COL5A1: variants seen among roughly 807,000 people sequenced by gnomAD.
COL5A1 encodes the protein collagen type V alpha 1 chain.
In COL5A1, 16 loss-of-function variants were observed where a neutral mutation model predicts 263.7. The observed-to-expected ratio is 0.06, with a 90% CI of 0.04 to 0.09. The LOEUF (loss-of-function observed/expected upper bound fraction) is 0.09, where lower values mean the gene tolerates loss of function less well. Ranked by LOEUF, COL5A1 falls within the 10% of genes least tolerant of loss-of-function variation. The pLI, the probability that COL5A1 is intolerant of heterozygous loss-of-function variation, is 1.00. For missense variants in COL5A1, 2,036 were observed against 2,540.5 expected (o/e 0.80, Z 4.27); for synonymous variants, 1,012 against 1,004.5 (o/e 1.01, Z -0.14).
chr9:134,823,463 C>G lies in COL5A1; in HGVS notation c.4692C>G (p.Gly1564=). 1 of 1,613,972 alleles carries G rather than the reference C, an allele frequency of 6.2e-7. No individual in the cohort carries two copies. The highest frequency in any genetic ancestry group is 8.5e-7 in the Non-Finnish European group (1 of 1,179,818). Residue 1564 remains glycine (G), a synonymous_variant, in exon 61 of 66, where the codon GGC becomes GGG. Transcript: ENST00000371817. ...KGEAGHPGPP[G]PPGPPGEVIQ... The stretch of plus-strand genomic sequence containing the variant: ...AGGCAGGCCACCCAGGACCCCCAGG[C>G]CCCCCGGTAAGTAGCCCTTGAAGCC...
At chr9:134,654,374 G>GA (rs1436110608) in intron 1 of COL5A1, among the ~76,000 whole-genome samples, 2 of 135,126 alleles carry the variant, frequency 1.5e-5, no homozygotes, top group Admixed American at 7.3e-5. Context: ...TGTAGGGCTG[G>GA]GGTGTATAGT....
At chr9:134,750,644 G>A (rs1177274906) in intron 12 of COL5A1, 28 bp downstream of exon 12, 10 of 1,610,688 alleles carry the variant, frequency 6.2e-6, no homozygotes, top group Non-Finnish European at 8.5e-6. Context: ...TCGGAGGTGG[G>A]GAGGCAGCTG....
At position 134,737,834 on chromosome 9, in the gene COL5A1, C is replaced by T. The variant is rs368521242; in HGVS notation, c.1390-640C>T. Among the ~76,000 whole-genome samples, 184 of 152,270 alleles carry T rather than the reference C, an allele frequency of 1.2e-3. 1 individual carries two copies. In the Middle Eastern group the frequency reaches 0.024, roughly 20 times the overall value. ...GAGTGAGGCCTGGGTGTGCTTGAGG[C>T]AGATGGGCCCTGTGGTGAGGTGAGG... On this transcript the variant is annotated intron_variant, in intron 9 of 65. Coordinates refer to ENST00000371817, the MANE Select transcript of COL5A1 (RefSeq NM_000093.5).
intron 43 of COL5A1, among the ~76,000 whole-genome samples, chr9:134,809,612 T>C (rs1838438281): frequency 6.6e-6 from 1 of 152,222 alleles, no homozygotes; most frequent in East Asian, 1.9e-4. Context: ...AATTTCAAAT[T>C]CCGAAACTGC....
Position 134,842,656 on chromosome 9 carries a change from G to A in COL5A1, c.*353G>A, listed in dbSNP as rs1830141614. ...GAATAGGTCTCAGGGGTTGGGGGAG[G>A]GACTGCCAGATTTGGACACTATATT... On this transcript the variant is annotated 3_prime_UTR_variant, in exon 66 of 66. Transcript: ENST00000371817. The surrounding 1 kb of genome is among the most constrained non-coding windows in gnomAD (Gnocchi z 5.8). 3 of 391,322 alleles carry A rather than the reference G, an allele frequency of 7.7e-6. No homozygotes were observed. The South Asian group carries it at 1.1e-4, about 15-fold the overall frequency. The allele number at this position is 391,322 out of a possible 1,614,324, so 24.2% of individuals were successfully genotyped here. A position where few individuals can be genotyped will look rare whatever the true frequency, so the allele number is the denominator to read the frequency against.
In COL5A1 at chr9:134,794,915, C is replaced by T. The variant is rs1026632180; in HGVS notation, c.2701-167C>T. ...GTCGGGTGTGCGGTGAGCTTCTCGCCCTGATAAATCTCCTATTAAAACACG... is the reference window on the plus strand; with the variant it reads ...GTCGGGTGTGCGGTGAGCTTCTCGCTCTGATAAATCTCCTATTAAAACACG... On this transcript the variant is annotated intron_variant, in intron 32 of 65. Coordinates refer to ENST00000371817, the MANE Select transcript of COL5A1 (RefSeq NM_000093.5). This position sits in a 1 kb window ranked among gnomAD's most constrained non-coding sequence, Gnocchi z 4.3. 7.9e-5 allele frequency among the ~76,000 whole-genome samples: 12 copies of T among 152,114 alleles called. No individual in the cohort carries two copies. Among genetic ancestry groups the T allele is most frequent in the African/African-American group, 2.4e-4 (10 of 41,402 alleles).
chr9:134,816,956 CA>C (rs1564479254), intron 52 of COL5A1, 69 bp from the exon 53 acceptor site: 1 of 1,369,506 alleles, frequency 7.3e-7, no homozygotes, highest in African/African-American at 1.4e-5. Context: ...CTGAAATCGC[CA>C]TGTGTTTTGC....
Position 134,822,239 on chromosome 9 carries a change from G to C in COL5A1, c.4608+89G>C, listed in dbSNP as rs542053122. The stretch of plus-strand genomic sequence containing the variant: ...GGCCTCAGTGTGGAGCTAGAGAATT[G>C]TGGAAAAGTCACACGAGAAGCTGGA... On this transcript the variant is annotated intron_variant, in intron 59 of 65. Coordinates refer to ENST00000371817, the MANE Select transcript of COL5A1 (RefSeq NM_000093.5). 115 of 1,176,846 alleles carry C rather than the reference G, an allele frequency of 9.8e-5. No homozygotes were observed. In the South Asian group the frequency reaches 1.4e-3, roughly 14 times the overall value. The allele number at this position is 1,176,846 out of a possible 1,614,324, so 72.9% of individuals were successfully genotyped here. A position where few individuals can be genotyped will look rare whatever the true frequency, so the allele number is the denominator to read the frequency against.
At chr9:134,807,970 G>A (rs115170208) in intron 42 of COL5A1, among the ~76,000 whole-genome samples, 61 of 152,318 alleles carry the variant, frequency 4.0e-4, no homozygotes, top group African/African-American at 1.4e-3. Flanking sequence ...CAGAGGGAAG[G>A]AAAGGCCAAG....
In COL5A1 at chr9:134,701,498, T is replaced by G. The variant is rs11103472; in HGVS notation, c.654+165T>G. On this transcript the variant is annotated intron_variant, in intron 4 of 65. Coordinates refer to ENST00000371817, the MANE Select transcript of COL5A1 (RefSeq NM_000093.5). ...CCTCTGCTGCCATCCTAAGAGATGT[T>G]TGTGGCTTTCGGAAATGGAGGGGCC... is the stretch of plus-strand genomic sequence containing the variant. Among the ~76,000 whole-genome samples, 46,888 of 152,150 alleles carry G rather than the reference T, an allele frequency of 0.31. 7,427 individuals carry two copies. Among genetic ancestry groups the G allele is most frequent in the African/African-American group, 0.35 (14,549 of 41,522 alleles).
Position 134,801,495 on chromosome 9 carries a change from C to T in COL5A1, c.2953-459C>T, listed in dbSNP as rs549671975. On this transcript the variant is annotated intron_variant, in intron 37 of 65. Transcript: ENST00000371817. ...TGAGCTTGTGTGGCTTCGTTACCCT[C>T]GTGAAATTAGTGCAAACGCACGGTG... Among the ~76,000 whole-genome samples the T allele has an allele frequency of 3.0e-4, 46 of 152,336 alleles. No homozygotes were observed. In the South Asian group the frequency reaches 3.1e-3, roughly 10 times the overall value.
At chr9:134,654,580 G>GT (rs1831858362) in intron 1 of COL5A1, among the ~76,000 whole-genome samples, 2 of 127,798 alleles carry the variant, frequency 1.6e-5, no homozygotes, top group Non-Finnish European at 3.3e-5. Flanking sequence ...TAGGGCTGGG[G>GT]GTGTGTAGGG....
In COL5A1 at chr9:134,842,604, C is replaced by T. The variant is rs1830140279; in HGVS notation, c.*301C>T. Reference sequence around the variant, plus strand: ...GGAGCGGGGCCATGCCTCCAGCCCCCCAGCTCGCCCGACCCATCCTGTTCG... The same window carrying T: ...GGAGCGGGGCCATGCCTCCAGCCCCTCAGCTCGCCCGACCCATCCTGTTCG... On this transcript the variant is annotated 3_prime_UTR_variant, in exon 66 of 66. Coordinates refer to ENST00000371817, the MANE Select transcript of COL5A1 (RefSeq NM_000093.5). The surrounding 1 kb of genome is among the most constrained non-coding windows in gnomAD (Gnocchi z 5.8). 1 of 531,652 alleles carries T rather than the reference C, an allele frequency of 1.9e-6. No individual in the cohort carries two copies. The highest frequency in any genetic ancestry group is 3.3e-5 in the Admixed American group (1 of 30,040). The allele number at this position is 531,652 out of a possible 1,614,324, so 32.9% of individuals were successfully genotyped here.
chr9:134,763,341 C>T (rs999330084), intron 19 of COL5A1, among the ~76,000 whole-genome samples: 1 of 152,164 alleles, frequency 6.6e-6, no homozygotes, highest in Non-Finnish European at 1.5e-5. Context: ...CCCAGGGGAT[C>T]TTGTGACTCT....
chr9:134,836,698 C>T (rs955860604), intron 65 of COL5A1, among the ~76,000 whole-genome samples: 20 of 152,230 alleles, frequency 1.3e-4, no homozygotes, highest in African/African-American at 3.4e-4. Context: ...TGCCCAGCAT[C>T]GCTGCGGAGC....
rs747489205 is a variant in COL5A1 at position 134,728,855 on chromosome 9, T to C, written c.924+48T>C. The C allele has an allele frequency of 3.1e-6, 5 of 1,612,392 alleles. No homozygotes were observed. The Admixed American group carries it at 6.7e-5, about 22-fold the overall frequency. ...GGTTGGGCTGGGCCCCTCGAGGCCA[T>C]GGTGCAGGGGAGGGCGAGGCCAGGA... On this transcript the variant is annotated intron_variant, in intron 6 of 65. Transcript: ENST00000371817.
intron 1 of COL5A1, among the ~76,000 whole-genome samples, chr9:134,644,592 G>GC (rs1311415778): frequency 1.5e-5 from 2 of 137,830 alleles, no homozygotes. Context: ...GCAGGCGCGG[G>GC]GGGGAGCCAC....
intron 11 of COL5A1, among the ~76,000 whole-genome samples, chr9:134,750,232 G>A (rs958971108): frequency 6.6e-5 from 10 of 152,146 alleles, no homozygotes; most frequent in African/African-American, 1.9e-4. Flanking sequence ...CCTCACCTTC[G>A]GGCTCCTTGT....
At chr9:134,729,902 C>T (rs985611525) in intron 6 of COL5A1, among the ~76,000 whole-genome samples, 3 of 152,208 alleles carry the variant, frequency 2.0e-5, no homozygotes, top group Non-Finnish European at 4.4e-5. Context: ...TCACATTGCT[C>T]TGAGAGCCTG....
Sources: allele counts gnomAD v4.1 joint callset (sites outside exome capture counted in the v4.1 genomes callset), GRCh38; gene constraint gnomAD v4.1.1; non-coding constraint Gnocchi (gnomAD v3.1); transcripts MANE v1.5; gene names NCBI Gene and HGNC (gene_info 2026-07-23, HGNC 2026-07-21).